CFAP20DC: variants seen among roughly 807,000 people sequenced by gnomAD.
The protein encoded by CFAP20DC is CFAP20 domain containing.
Under a neutral mutation model 101.7 loss-of-function variants are expected in CFAP20DC, and 84 were observed. The observed-to-expected ratio is 0.83, with a 90% CI of 0.69 to 0.99. CFAP20DC has a LOEUF of 0.99. Among genes scored for constraint, CFAP20DC ranks in the 50% least tolerant of loss-of-function variants. The pLI is 0.00. For missense variants in CFAP20DC, 1,007 were observed against 970.3 expected, an observed-to-expected ratio of 1.04 and a Z score of -0.50; for synonymous variants, 359 against 351.2, an observed-to-expected ratio of 1.02 and a Z score of -0.25.
chr3:58,819,614 G>C (rs1179902439), intron 14 of CFAP20DC, among the ~76,000 whole-genome samples: 2 of 148,766 alleles, frequency 1.3e-5, no homozygotes, highest in Non-Finnish European at 3.0e-5. Flanking sequence ...TCTCTGAATA[G>C]ACCAATAACA....
At chr3:58,885,065 A>G (rs1009901543) in intron 6 of CFAP20DC, among the ~76,000 whole-genome samples, 2 of 152,168 alleles carry the variant, frequency 1.3e-5, no homozygotes, top group African/African-American at 4.8e-5. Flanking sequence ...CTGGGAGTAC[A>G]TCAGCTTATT....
chr3:58,997,770 C>G (rs1411202993), intron 4 of CFAP20DC, among the ~76,000 whole-genome samples: 1 of 152,122 alleles, frequency 6.6e-6, no homozygotes, highest in Non-Finnish European at 1.5e-5. Flanking sequence ...TGTAAATGCC[C>G]ACATGTCTTA....
rs866955803 is a variant in CFAP20DC, at chr3:58,808,519, C to G, written c.2176-2063G>C. Among the ~76,000 whole-genome samples the G allele has an allele frequency of 3.6e-4, 55 of 152,246 alleles. No homozygotes were observed. In the Middle Eastern group the frequency reaches 0.01, roughly 28 times the overall value. On this transcript the variant is annotated intron_variant, in intron 14 of 16. Transcript: ENST00000482387. ...CTTTACAGACAAGCAAATGCTGAGA[C>G]ATTTTGTCACCACCAGCCCTGCCCT...
At chr3:58,922,218 T>G (rs1475575504) in intron 5 of CFAP20DC, among the ~76,000 whole-genome samples, 1 of 152,238 alleles carries the variant, frequency 6.6e-6, no homozygotes, top group Non-Finnish European at 1.5e-5. Context: ...ACGTTTGAGT[T>G]GAAGGCTACC....
At position 58,868,630 on chromosome 3, in the gene CFAP20DC, G is replaced by A. The variant is rs2079888854; in HGVS notation, c.1016-694C>T. ...AAGGCCTCACTGACAGGCAGCTAGGGCTGGATTTCTATCTATCCATTTCCT... is the reference window on the plus strand; with the variant it reads ...AAGGCCTCACTGACAGGCAGCTAGGACTGGATTTCTATCTATCCATTTCCT... On this transcript the variant is annotated intron_variant, in intron 9 of 16. Coordinates refer to ENST00000482387, the MANE Select transcript of CFAP20DC (RefSeq NM_001394063.1). The surrounding 1 kb of genome is among the most constrained non-coding windows in gnomAD (Gnocchi z 4.6). Among the ~76,000 whole-genome samples the A allele has an allele frequency of 6.6e-6, 1 of 152,138 alleles. No homozygotes were observed. Among genetic ancestry groups the A allele is most frequent in the South Asian group, 2.1e-4 (1 of 4,826 alleles).
intron 15 of CFAP20DC, among the ~76,000 whole-genome samples, chr3:58,791,420 G>C (rs927585799): frequency 3.3e-5 from 5 of 151,970 alleles, no homozygotes; most frequent in African/African-American, 1.2e-4. Flanking sequence ...ATGTCATAAG[G>C]ATATAAACCC....
At chr3:58,763,818 G>T (rs1197602405) in intron 15 of CFAP20DC, among the ~76,000 whole-genome samples, 3 of 152,224 alleles carry the variant, frequency 2.0e-5, no homozygotes, top group Admixed American at 1.3e-4. Flanking sequence ...GACCCTGTTT[G>T]CCTGGGTATC....
intron 14 of CFAP20DC, among the ~76,000 whole-genome samples, chr3:58,811,325 C>G (rs2074611548): frequency 6.6e-6 from 1 of 152,028 alleles, no homozygotes; most frequent in Non-Finnish European, 1.5e-5. Flanking sequence ...CTACAGTAAC[C>G]AAAACAGCAT....
At chr3:58,827,124 T>C (rs1376544574) in intron 14 of CFAP20DC, among the ~76,000 whole-genome samples, 2 of 152,130 alleles carry the variant, frequency 1.3e-5, no homozygotes, top group Non-Finnish European at 2.9e-5. Context: ...GATGTGTCAA[T>C]GGAGGTTCAT....
intron 6 of CFAP20DC, among the ~76,000 whole-genome samples, chr3:58,903,969 T>C (rs975628170): frequency 2.0e-5 from 3 of 152,224 alleles, no homozygotes; most frequent in Admixed American, 6.5e-5. Flanking sequence ...TTTTCAAGAC[T>C]GTTTTGGCTA....
intron 4 of CFAP20DC, among the ~76,000 whole-genome samples, chr3:58,959,757 T>C (rs961567913): frequency 6.6e-6 from 1 of 152,218 alleles, no homozygotes; most frequent in Non-Finnish European, 1.5e-5. Context: ...TCCATATAAA[T>C]TTTAGAATCA....
At chr3:58,733,797 A>G (rs1277055798) in intron 3 of CFAP20DC, among the ~76,000 whole-genome samples, 2 of 152,244 alleles carry the variant, frequency 1.3e-5, no homozygotes, top group Non-Finnish European at 2.9e-5. Context: ...CTATTTCTCC[A>G]AATTCTCAGG....
At chr3:58,753,922 TC>T in intron 15 of CFAP20DC, 59 bp from the exon 16 acceptor site, 1 of 1,219,256 alleles carries the variant, frequency 8.2e-7, no homozygotes, top group Non-Finnish European at 1.2e-6. Context: ...ATTTTAGGTT[TC>T]CCATGGATTT....
intron 13 of CFAP20DC, among the ~76,000 whole-genome samples, chr3:58,840,027 T>C (rs148250327): frequency 1.4e-3 from 206 of 152,306 alleles, no homozygotes; most frequent in African/African-American, 4.8e-3. Context: ...CAGCCAGGGT[T>C]CCGTCTGAAA....
chr3:58,991,537 C>T (rs746851093), intron 4 of CFAP20DC, among the ~76,000 whole-genome samples: 4 of 152,180 alleles, frequency 2.6e-5, no homozygotes, highest in East Asian at 1.9e-4. Context: ...CTTTTTGGCA[C>T]CAGAGACTAG....
At chr3:58,939,215 T>C (rs373757153) in intron 4 of CFAP20DC, among the ~76,000 whole-genome samples, 2 of 152,162 alleles carry the variant, frequency 1.3e-5, no homozygotes, top group East Asian at 1.9e-4. Flanking sequence ...ATATGGCAGG[T>C]ATGTACAAAT....
chr3:58,908,647 T>G (rs1447644050), intron 6 of CFAP20DC, among the ~76,000 whole-genome samples: 1 of 152,204 alleles, frequency 6.6e-6, no homozygotes, highest in Non-Finnish European at 1.5e-5. Flanking sequence ...ACCACAATCC[T>G]TGGTATATCC....
At chr3:59,033,670 G>A (rs996273049) in intron 4 of CFAP20DC, among the ~76,000 whole-genome samples, 1 of 152,038 alleles carries the variant, frequency 6.6e-6, no homozygotes, top group African/African-American at 2.4e-5. Context: ...GAAAATGAAC[G>A]AAAAGAGCCT....
rs1361248003 is a variant in CFAP20DC at position 58,882,160 on chromosome 3, CT to C, written c.715+2384del. ...GCTATTAGATGACAATTATTCATTT[CT>C]GTATATATGACTCAAGTTCACTACT... On this transcript the variant is annotated intron_variant, in intron 7 of 16. Transcript: ENST00000482387. This position sits in a 1 kb window ranked among gnomAD's most constrained non-coding sequence, Gnocchi z 4.2. Among the ~76,000 whole-genome samples the C allele has an allele frequency of 6.6e-6, 1 of 152,088 alleles. No individual in the cohort carries two copies. Among genetic ancestry groups the C allele is most frequent in the Non-Finnish European group, 1.5e-5 (1 of 67,974 alleles).
Sources: allele counts gnomAD v4.1 joint callset (sites outside exome capture counted in the v4.1 genomes callset), GRCh38; gene constraint gnomAD v4.1.1; non-coding constraint Gnocchi (gnomAD v3.1); transcripts MANE v1.5; gene names NCBI Gene and HGNC (gene_info 2026-07-23, HGNC 2026-07-21).